KLHL5: variants seen among roughly 807,000 people sequenced by gnomAD.
KLHL5 encodes kelch-like protein 5.
KLHL5 carries 48 observed loss-of-function variants against 77.7 expected under a neutral mutation model. That is an observed-to-expected ratio of 0.62 (90% CI 0.49 to 0.79). The LOEUF is 0.79. KLHL5 is among the 30% of genes least tolerant of loss of function. KLHL5 has a pLI of 0.00. For missense variants in KLHL5, 723 were observed against 859.7 expected (o/e 0.84, Z 1.99); for synonymous variants, 260 against 297.0 (o/e 0.88, Z 1.28).
intron 8 of KLHL5, among the ~76,000 whole-genome samples, chr4:39,109,637 C>CTT (rs60921018): frequency 7.8e-6 from 1 of 128,556 alleles, no homozygotes; most frequent in African/African-American, 2.8e-5. Flanking sequence ...CTTTTTTTTT[C>CTT]TTTTTTTTTT....
chr4:39,091,844 T>TTG (rs1720598030), intron 5 of KLHL5, among the ~76,000 whole-genome samples: 2 of 41,988 alleles, frequency 4.8e-5, no homozygotes, highest in Non-Finnish European at 1.5e-4. Flanking sequence ...TCTGACTAGT[T>TTG]TTTTTTTTTT....
chr4:39,131,759 A>G (rs6856369), downstream of KLHL5, among the ~76,000 whole-genome samples: 82,363 of 151,686 alleles, frequency 0.54, 22,675 homozygotes, highest in Admixed American at 0.6. Context: ...GTGGTGGTGC[A>G]TGCTTGTAGT....
chr4:39,075,288 G>A (rs959728768), intron 1 of KLHL5, among the ~76,000 whole-genome samples: 1 of 150,838 alleles, frequency 6.6e-6, no homozygotes. Context: ...ACGAGATCGC[G>A]CCATTGCACT....
intron 10 of KLHL5, among the ~76,000 whole-genome samples, chr4:39,116,588 G>A (rs1722857670): frequency 6.6e-6 from 1 of 152,116 alleles, no homozygotes; most frequent in African/African-American, 2.4e-5. Flanking sequence ...CAAAAAGATT[G>A]GAAAGAAGAA....
intron 5 of KLHL5, among the ~76,000 whole-genome samples, chr4:39,091,285 A>G: frequency 6.6e-6 from 1 of 151,776 alleles, no homozygotes; most frequent in East Asian, 1.9e-4. Flanking sequence ...CACCATGCCC[A>G]GCCGGTTTTT....
intron 1 of KLHL5, among the ~76,000 whole-genome samples, chr4:39,052,755 C>T (rs556740382): frequency 2.6e-5 from 4 of 152,232 alleles, no homozygotes; most frequent in South Asian, 2.1e-4. Flanking sequence ...TACTCAAGTC[C>T]GTGCTCCGCA....
chr4:39,072,379 C>A (rs1718558668), intron 1 of KLHL5, among the ~76,000 whole-genome samples: 1 of 152,058 alleles, frequency 6.6e-6, no homozygotes. Flanking sequence ...AGAAAGTAAG[C>A]CTTAGAGAAG....
In KLHL5 at chr4:39,081,052, A is replaced by T. The variant is rs1377429554; in HGVS notation, c.567-51A>T. On this transcript the variant is annotated intron_variant, in intron 2 of 10. Transcript: ENST00000504108. The surrounding 1 kb of genome is among the most constrained non-coding windows in gnomAD (Gnocchi z 4.3). ...AAGAAGCAGCAGCATTTATTAATGA[A>T]CATCAACTCGAATGTGGTCATTGAT... The T allele has an allele frequency of 6.5e-7, 1 of 1,543,574 alleles. No homozygotes were observed. Among genetic ancestry groups the T allele is most frequent in the Middle Eastern group, 2.4e-4 (1 of 4,178 alleles).
chr4:39,067,888 G>A (rs1420366482), intron 1 of KLHL5, among the ~76,000 whole-genome samples: 3 of 151,866 alleles, frequency 2.0e-5, no homozygotes, highest in Admixed American at 2.0e-4. Flanking sequence ...TCACCGCGTT[G>A]GCCAGGCTGG....
At position 39,126,092 on chromosome 4, in the gene KLHL5, T is replaced by G. The variant is rs1723526509; in HGVS notation, c.*5026T>G. On this transcript the variant is annotated 3_prime_UTR_variant, in exon 11 of 11. Transcript: ENST00000504108. ...GAGTTAACGGGGAACTTCCCCACCG[T>G]CCGGTACATGGCAGGCATTCCACAA... is the stretch of plus-strand genomic sequence containing the variant. Among the ~76,000 whole-genome samples the G allele has an allele frequency of 6.6e-6, 1 of 152,156 alleles. No homozygotes were observed. Among genetic ancestry groups the G allele is most frequent in the Non-Finnish European group, 1.5e-5 (1 of 68,022 alleles).
At chr4:39,053,608 A>T (rs554121024) in intron 1 of KLHL5, among the ~76,000 whole-genome samples, 2 of 152,286 alleles carry the variant, frequency 1.3e-5, no homozygotes, top group South Asian at 4.1e-4. Flanking sequence ...CACAGCAAAT[A>T]TGTGCTTAAC....
chr4:39,115,201 G>C lies in KLHL5; in HGVS notation c.1944G>C (p.Met648Ile). The change falls in exon 10 of 11, where the codon ATG (methionine) becomes ATC (isoleucine). Residue 648 changes from methionine to isoleucine, a missense_variant. Met to Ile is a conservative substitution (Grantham distance 10, BLOSUM62 1). Transcript: ENST00000504108. ...ACATGTGGACTGCAGTAGCATCCAT[G>C]AGCATCAGCAGAGATGCAGTGGGGG... ...KTDMWTAVASMSISRDAVGVC... is the reference protein window; with the variant it reads ...KTDMWTAVASISISRDAVGVC... 6.2e-7 allele frequency: 1 copy of C among 1,613,410 alleles called. No individual in the cohort carries two copies. Among genetic ancestry groups the C allele is most frequent in the Non-Finnish European group, 8.5e-7 (1 of 1,179,758 alleles).
intron 2 of KLHL5, among the ~76,000 whole-genome samples, chr4:39,078,333 C>A (rs1178848195): frequency 6.6e-6 from 1 of 151,730 alleles, no homozygotes; most frequent in Non-Finnish European, 1.5e-5. Context: ...TTGCAGTGAA[C>A]CGAGATCACG....
At chr4:39,103,918 G>T (rs1721816076) in intron 7 of KLHL5, among the ~76,000 whole-genome samples, 1 of 144,870 alleles carries the variant, frequency 6.9e-6, no homozygotes, top group Non-Finnish European at 1.5e-5. Flanking sequence ...GGGAGGTCAA[G>T]GCTGCAGTGA....
rs34713116 is a variant in KLHL5 at position 39,048,638 on chromosome 4, C to CTTTTTTTTTTTTTTTTTTT, written c.-95+3545_-95+3563dup. 6.1e-4 allele frequency among the ~76,000 whole-genome samples: 48 copies of CTTTTTTTTTTTTTTTTTTT among 79,142 alleles called. 4 individuals are homozygous for CTTTTTTTTTTTTTTTTTTT. The highest frequency in any genetic ancestry group is 2.3e-3 in the African/African-American group (43 of 18,592). 51.9% of individuals were successfully genotyped at this position (79,142 alleles called of 152,430 possible). A position where few individuals can be genotyped will look rare whatever the true frequency, so the allele number is the denominator to read the frequency against. On this transcript the variant is annotated intron_variant, in intron 1 of 11. Coordinates refer to the KLHL5 transcript ENST00000261425. The stretch of plus-strand genomic sequence containing the variant: ...AAAGGATGTGGTGATTTTACATTGG[C>CTTTTTTTTTTTTTTTTTTT]TTTTTTTTTTTTTTTTTTTTTGGAG...
chr4:39,097,183 C>T (rs75471295), intron 6 of KLHL5, among the ~76,000 whole-genome samples: 4,582 of 152,220 alleles, frequency 0.03, 248 homozygotes, highest in African/African-American at 0.1. Flanking sequence ...TAAGTTTCCA[C>T]GGTTCCACAC....
chr4:39,064,824 C>T (rs372502140), intron 1 of KLHL5, among the ~76,000 whole-genome samples: 5 of 151,526 alleles, frequency 3.3e-5, no homozygotes, highest in South Asian at 2.1e-4. Context: ...TTTAAATTGA[C>T]GTTTTTCATT....
the KLHL5 span, among the ~76,000 whole-genome samples, chr4:39,136,170 AT>A: frequency 0.023 from 3,460 of 149,982 alleles, 114 homozygotes; most frequent in East Asian, 0.13. Flanking sequence ...AATAATAATA[AT>A]TTTTTTTTTA....
the KLHL5 span, among the ~76,000 whole-genome samples, chr4:39,131,882 T>A: frequency 7.9e-6 from 1 of 127,014 alleles, no homozygotes. Context: ...AGCGAGACCC[T>A]GTCTCAAAAA....
Sources: gnomAD v4.1 joint callset for allele counts (sites outside exome capture counted in the v4.1 genomes callset) on GRCh38, gnomAD v4.1.1 for gene constraint, Gnocchi (gnomAD v3.1) non-coding constraint, MANE v1.5 for transcripts, NCBI Gene and HGNC (gene_info 2026-07-23, HGNC 2026-07-21) for gene names.